FSD2: variants seen among roughly 807,000 people sequenced by gnomAD.
FSD2 encodes the protein fibronectin type III and SPRY domain containing 2.
In FSD2, 71 loss-of-function variants were observed where a neutral mutation model predicts 80.4. The ratio of observed to expected loss-of-function variants is 0.88; its 90% CI spans 0.73 to 1.08. The LOEUF is 1.08. Among genes scored for constraint, FSD2 ranks in the 50% least tolerant of loss-of-function variants. The pLI, the probability that FSD2 is intolerant of heterozygous loss-of-function variation, is 0.00. For missense variants in FSD2, 923 were observed against 913.8 expected (o/e 1.01, Z -0.13); for synonymous variants, 361 against 329.5 (o/e 1.10, Z -1.03).
intron 6 of FSD2, among the ~76,000 whole-genome samples, chr15:82,774,575 A>G (rs138186488): frequency 1.3e-5 from 2 of 152,336 alleles, no homozygotes; most frequent in East Asian, 3.9e-4. Context: ...CATGAGCTCC[A>G]TAGAATTCCA....
At position 82,759,307 on chromosome 15, in the gene FSD2, G is replaced by C. The variant is rs1055721400; in HGVS notation, c.*41C>G. On this transcript the variant is annotated 3_prime_UTR_variant, in exon 13 of 13. Transcript: ENST00000334574. Reference sequence around the variant, plus strand: ...AGCTAAGGCGTGAGCAGCTGCGAGAGGGGTAGGCATGGAAGACAGGAAACT... The same window carrying C: ...AGCTAAGGCGTGAGCAGCTGCGAGACGGGTAGGCATGGAAGACAGGAAACT... The C allele has an allele frequency of 6.2e-7, 1 of 1,600,096 alleles. No individual in the cohort carries two copies. The highest frequency in any genetic ancestry group is 8.5e-7 in the Non-Finnish European group (1 of 1,174,046).
chr15:82,769,890 GAA>G lies in FSD2; in HGVS notation c.1268-8_1268-7del, dbSNP rs746324032. On this transcript the variant is annotated splice_polypyrimidine_tract_variant and splice_region_variant and intron_variant, in intron 7 of 12. Coordinates refer to ENST00000334574, the MANE Select transcript of FSD2 (RefSeq NM_001007122.4). ...TTTGACAGTCACTGTAAACTCTGGG[GAA>G]AAAAAAAGATAAGAATTCAACCCTA... 3 of 1,597,946 alleles carry G rather than the reference GAA, an allele frequency of 1.9e-6. No homozygotes were observed. The highest frequency in any genetic ancestry group is 8.5e-7 in the Non-Finnish European group (1 of 1,171,274).
intron 1 of FSD2, among the ~76,000 whole-genome samples, chr15:82,803,424 T>C (rs148511816): frequency 8.1e-4 from 124 of 152,180 alleles, no homozygotes; most frequent in African/African-American, 2.9e-3. Flanking sequence ...CCCCACCCCA[T>C]GCCATAGCTC....
In FSD2 at chr15:82,765,202, GC is replaced by G; in HGVS notation, c.1783del (p.Ala595ProfsTer21). On this transcript the variant is annotated frameshift_variant, in exon 11 of 13. Transcript: ENST00000334574. LOFTEE classifies it high-confidence loss of function. ...AGTGTCGCTGGGTGACAGCTCCCTG[GC>G]GGGGGTTCTCCTTTCACTTCGTACA... Reference protein sequence around the residue: ...TAVRSERRTPARELSPSDTHF... With the variant: ...TAVRSERRTPXRELSPSDTHF... 6.2e-7 allele frequency: 1 copy of G among 1,607,626 alleles called. No individual in the cohort carries two copies. The highest frequency in any genetic ancestry group is 1.7e-5 in the Admixed American group (1 of 59,020).
chr15:82,765,050 T>C, intron 11 of FSD2, 116 bp downstream of exon 11: 1 of 1,238,404 alleles, frequency 8.1e-7, no homozygotes, highest in Non-Finnish European at 1.1e-6. Context: ...TCCTCACTCA[T>C]TTGTAGGATT....
At chr15:82,791,147 C>T (rs376455376) in intron 1 of FSD2, among the ~76,000 whole-genome samples, 18 of 147,632 alleles carry the variant, frequency 1.2e-4, no homozygotes, top group East Asian at 6.3e-4. Context: ...TACAGGCGCC[C>T]GCCACCATGC....
At chr15:82,779,968 C>T (rs1277174248) in intron 5 of FSD2, among the ~76,000 whole-genome samples, 1 of 152,092 alleles carries the variant, frequency 6.6e-6, no homozygotes, top group Non-Finnish European at 1.5e-5. Flanking sequence ...GATCTCAGTT[C>T]TTTCTGGTGA....
At chr15:82,792,651 G>C (rs916213921) in intron 1 of FSD2, among the ~76,000 whole-genome samples, 4 of 152,006 alleles carry the variant, frequency 2.6e-5, no homozygotes, top group African/African-American at 9.7e-5. Context: ...TTTTTTTGTT[G>C]TTGTTGCTGC....
At position 82,765,923 on chromosome 15, in the gene FSD2, G is replaced by A. The variant is rs755888355; in HGVS notation, c.1662C>T (p.Ser554=). 5 of 1,610,000 alleles carry A rather than the reference G, an allele frequency of 3.1e-6. No individual in the cohort carries two copies. Among genetic ancestry groups the A allele is most frequent in the South Asian group, 1.1e-5 (1 of 89,994 alleles). ...CTATGGTGTGGACTGTAGCTGGCTCGCTCCTCACGCTGGGGCCCCCCATAT... is the reference window on the plus strand; with the variant it reads ...CTATGGTGTGGACTGTAGCTGGCTCACTCCTCACGCTGGGGCCCCCCATAT... The part of the protein sequence containing the change: ...ALNMGGPSVR[S]EPATVHTIGS... Residue 554 remains serine (S), a synonymous_variant, in exon 10 of 13, where the codon AGC becomes AGT. Transcript: ENST00000334574.
chr15:82,774,745 C>T (rs555839659), intron 6 of FSD2, among the ~76,000 whole-genome samples: 25 of 149,610 alleles, frequency 1.7e-4, no homozygotes, highest in Admixed American at 1.3e-4. Context: ...TTTTTTGAGA[C>T]GGAGTCTCGC....
chr15:82,765,436 G>T, intron 10 of FSD2, 138 bp from the exon 11 acceptor site: 1 of 1,068,514 alleles, frequency 9.4e-7, no homozygotes, highest in Non-Finnish European at 1.4e-6. Flanking sequence ...AGTTAACAAG[G>T]ATGGCAATTG....
At chr15:82,774,030 G>C (rs1307646912) in intron 6 of FSD2, among the ~76,000 whole-genome samples, 1 of 152,100 alleles carries the variant, frequency 6.6e-6, no homozygotes, top group Non-Finnish European at 1.5e-5. Flanking sequence ...GAAAAATGAG[G>C]AATTACAGAC....
rs1246108501 is a variant in FSD2 at position 82,772,164 on chromosome 15, C to A, written c.1176G>T (p.Val392=). Residue 392 remains valine, a synonymous_variant, in exon 7 of 13, where the codon GTG becomes GTT. Transcript: ENST00000334574. The part of the protein sequence containing the change: ...PNSATGSSVR[V]CWSLYSDDTV... The stretch of plus-strand genomic sequence containing the variant: ...TGTCGTCGGAGTATAAGCTCCAGCA[C>A]ACTCGGACTGAGGAACCTGTGGCTG... 6.2e-7 allele frequency: 1 copy of A among 1,612,596 alleles called. No individual in the cohort carries two copies. The highest frequency in any genetic ancestry group is 1.3e-5 in the African/African-American group (1 of 75,026).
rs2049900988 is a variant in FSD2, at chr15:82,782,835, A to G, written c.926T>C (p.Ile309Thr). ...CTTCTCCTCGTGACACATCTCCTCT[A>G]TTGTTTCCATCAGTTCTTTGCAAGT... Reference protein sequence around the residue: ...LDTCKELMETIEEMCHEEKVD... With the variant: ...LDTCKELMETTEEMCHEEKVD... The change falls in exon 4 of 13, where the codon ATA becomes ACA. Residue 309 changes from isoleucine to threonine, a missense_variant. Transcript: ENST00000334574. 2.5e-6 allele frequency: 4 copies of G among 1,613,820 alleles called. No homozygotes were observed. The highest frequency in any genetic ancestry group is 3.4e-6 in the Non-Finnish European group (4 of 1,179,860).
intron 1 of FSD2, among the ~76,000 whole-genome samples, chr15:82,790,548 G>GTGTGTA (rs1314139032): frequency 6.6e-6 from 1 of 151,204 alleles, no homozygotes; most frequent in African/African-American, 2.4e-5. Flanking sequence ...TGCCATTTGT[G>GTGTGTA]TGTGTGTGTG....
At chr15:82,773,967 A>G (rs967370320) in intron 6 of FSD2, among the ~76,000 whole-genome samples, 6 of 152,230 alleles carry the variant, frequency 3.9e-5, no homozygotes, top group African/African-American at 1.2e-4. Context: ...TGTACACAAC[A>G]TTGTCCACAA....
At chr15:82,780,216 A>G (rs1321935774) in intron 5 of FSD2, 29 bp downstream of exon 5, 2 of 1,470,016 alleles carry the variant, frequency 1.4e-6, no homozygotes, top group Admixed American at 2.5e-5. Flanking sequence ...AAGTAAAAAA[A>G]GAAATACATA....
intron 6 of FSD2, among the ~76,000 whole-genome samples, chr15:82,774,405 A>C (rs894833583): frequency 4.6e-5 from 7 of 152,190 alleles, no homozygotes; most frequent in African/African-American, 1.7e-4. Context: ...GCTACTTGGC[A>C]CCATGTAATA....
At chr15:82,763,580 T>C (rs2049339675) in intron 11 of FSD2, among the ~76,000 whole-genome samples, 2 of 152,264 alleles carry the variant, frequency 1.3e-5, no homozygotes, top group African/African-American at 4.8e-5. Context: ...CACCTAGCCT[T>C]GTTGGTTTTA....
Sources: allele counts gnomAD v4.1 joint callset (sites outside exome capture counted in the v4.1 genomes callset), GRCh38; gene constraint gnomAD v4.1.1; transcripts MANE v1.5; gene names NCBI Gene and HGNC (gene_info 2026-07-23, HGNC 2026-07-21).